PHKA2: variants seen among roughly 807,000 people sequenced by gnomAD.
The protein encoded by PHKA2 is phosphorylase b kinase regulatory subunit alpha, liver isoform.
Under a neutral mutation model 102.0 loss-of-function variants are expected in PHKA2, and 31 were observed. The observed-to-expected ratio is 0.30, with a 90% CI of 0.23 to 0.41. The LOEUF (loss-of-function observed/expected upper bound fraction) is 0.41. PHKA2 is among the 10% of genes least tolerant of loss of function. The pLI, the probability that PHKA2 is intolerant of heterozygous loss-of-function variation, is 1.00. For missense variants in PHKA2, 858 were observed against 1,023.1 expected, an observed-to-expected ratio of 0.84 and a Z score of 2.20; for synonymous variants, 455 against 416.2, an observed-to-expected ratio of 1.09 and a Z score of -1.13.
chrX:18,899,766 T>C (rs1321720338), intron 28 of PHKA2, among the ~76,000 whole-genome samples: 1 of 112,346 alleles, frequency 8.9e-6, no homozygotes, highest in East Asian at 2.8e-4. Flanking sequence ...TACAGTGTGC[T>C]ATCTACAAGG....
intron 17 of PHKA2, among the ~76,000 whole-genome samples, chrX:18,923,383 G>C (rs1184696368): frequency 8.9e-6 from 1 of 111,761 alleles, no homozygotes; most frequent in Non-Finnish European, 1.9e-5. Context: ...CTAGGGGATG[G>C]AAGAAGATGA....
At chrX:18,931,606 A>G in intron 12 of PHKA2, 35 bp downstream of exon 12, 1 of 1,003,668 alleles carries the variant, frequency 1.0e-6, no homozygotes, top group Non-Finnish European at 1.4e-6. Context: ...CTCCAATCAC[A>G]TGGTTTCCAG....
chrX:18,947,293 T>C (rs999897226), intron 5 of PHKA2, among the ~76,000 whole-genome samples: 18 of 112,511 alleles, frequency 1.6e-4, no homozygotes, highest in African/African-American at 4.8e-4. Context: ...GTGGCTTTTT[T>C]AAAACCAGCC....
intron 25 of PHKA2, among the ~76,000 whole-genome samples, chrX:18,906,133 T>C (rs1459952090): frequency 2.7e-5 from 3 of 112,458 alleles, no homozygotes; most frequent in Non-Finnish European, 5.6e-5. Flanking sequence ...TGGATTTTTA[T>C]ATTCAAATTG....
intron 29 of PHKA2, among the ~76,000 whole-genome samples, chrX:18,898,463 G>A (rs1436371431): frequency 2.7e-5 from 3 of 112,996 alleles, no homozygotes; most frequent in East Asian, 5.6e-4. Flanking sequence ...GGGACTATCT[G>A]GCACTTTTGT....
At position 18,917,672 on chromosome X, in the gene PHKA2, C is replaced by T. The variant is rs144730690; in HGVS notation, c.2137+1009G>A. Among the ~76,000 whole-genome samples, 1,016 of 111,520 alleles carry T rather than the reference C, an allele frequency of 9.1e-3. 7 individuals are homozygous for T. Among genetic ancestry groups the T allele is most frequent in the African/African-American group, 0.026 (791 of 30,647 alleles). ...GGTTTCAACAATTTTACCCACCGTG[C>T]GCTGTTTCTCAGGAAACTACTGCAT... On this transcript the variant is annotated intron_variant, in intron 19 of 32. Coordinates refer to ENST00000379942, the MANE Select transcript of PHKA2 (RefSeq NM_000292.3).
At chrX:18,922,175 G>A (rs2048133891) in intron 17 of PHKA2, among the ~76,000 whole-genome samples, 1 of 111,600 alleles carries the variant, frequency 9.0e-6, no homozygotes, top group Non-Finnish European at 1.9e-5. Context: ...GAACCTGGGG[G>A]GTGGAGGTTG....
At position 18,949,796 on chromosome X, in the gene PHKA2, T is replaced by C. The variant is rs537411565; in HGVS notation, c.455-970A>G. On this transcript the variant is annotated intron_variant, in intron 4 of 32. Transcript: ENST00000379942. ...GAATTTTTTTCTTTGTATTCTGTTATATTTTCCAAAATATCTACAGTGAGC... is the reference window on the plus strand; with the variant it reads ...GAATTTTTTTCTTTGTATTCTGTTACATTTTCCAAAATATCTACAGTGAGC... Among the ~76,000 whole-genome samples, 8 of 112,602 alleles carry C rather than the reference T, an allele frequency of 7.1e-5. No homozygotes were observed. The South Asian group carries it at 1.8e-3, about 26-fold the overall frequency.
intron 30 of PHKA2, 59 bp downstream of exon 30, chrX:18,897,104 G>T: frequency 8.7e-7 from 1 of 1,156,008 alleles, no homozygotes; most frequent in Non-Finnish European, 1.2e-6. Flanking sequence ...GTGCCACCAT[G>T]CCTTGCCAGG....
chrX:18,924,654 A>AC, intron 15 of PHKA2, 129 bp from the exon 16 acceptor site: 1 of 636,487 alleles, frequency 1.6e-6, no homozygotes, highest in Non-Finnish European at 2.5e-6. Context: ...GTTTCAATCC[A>AC]CCCAGTCATG....
chrX:18,909,564 C>A (rs2047886466), intron 20 of PHKA2, among the ~76,000 whole-genome samples: 1 of 111,916 alleles, frequency 8.9e-6, no homozygotes, highest in Admixed American at 9.5e-5. Flanking sequence ...ATACACTTAC[C>A]CAAGGAAACC....
At chrX:18,963,686 CAT>C (rs1166092920) in intron 1 of PHKA2, among the ~76,000 whole-genome samples, 2 of 112,051 alleles carry the variant, frequency 1.8e-5, no homozygotes, top group African/African-American at 3.2e-5. Context: ...CACCATAAAA[CAT>C]GTGTTTGGTG....
intron 1 of PHKA2, among the ~76,000 whole-genome samples, chrX:18,979,892 T>C (rs1477291607): frequency 9.0e-6 from 1 of 111,435 alleles, no homozygotes; most frequent in African/African-American, 3.3e-5. Flanking sequence ...AGAATGATTG[T>C]AGGGAAAAGA....
Position 18,924,529 on chromosome X carries a change from A to G in PHKA2, c.1570-4T>C. 8.3e-7 allele frequency: 1 copy of G among 1,210,618 alleles called. No homozygotes were observed. The highest frequency in any genetic ancestry group is 1.8e-5 in the South Asian group (1 of 56,956). On this transcript the variant is annotated splice_polypyrimidine_tract_variant and splice_region_variant and intron_variant, in intron 15 of 32. Transcript: ENST00000379942. ...AGAAGTGATGCTGGTCGGTGAACTG[A>G]AAGTCAGAGGAGGCTGGGTAAACGG...
intron 1 of PHKA2, among the ~76,000 whole-genome samples, chrX:18,967,049 G>A (rs932406428): frequency 9.0e-6 from 1 of 111,102 alleles, no homozygotes; most frequent in African/African-American, 3.3e-5. Flanking sequence ...GATATAGGTG[G>A]GAGAGGGGAA....
At chrX:18,978,813 T>A (rs1312589128) in intron 1 of PHKA2, among the ~76,000 whole-genome samples, 1 of 111,783 alleles carries the variant, frequency 8.9e-6, no homozygotes, top group African/African-American at 3.3e-5. Flanking sequence ...AATACCTTCA[T>A]CCTCCTTCTT....
At chrX:18,982,981 T>C (rs2049197368) in intron 1 of PHKA2, among the ~76,000 whole-genome samples, 1 of 112,297 alleles carries the variant, frequency 8.9e-6, no homozygotes, top group Admixed American at 9.4e-5. Context: ...ACCACAAATA[T>C]TTCCTAAGTG....
At chrX:18,916,785 C>T (rs966602471) in intron 19 of PHKA2, among the ~76,000 whole-genome samples, 1 of 112,050 alleles carries the variant, frequency 8.9e-6, no homozygotes, top group African/African-American at 3.2e-5. Flanking sequence ...CCTGTACAGC[C>T]GGCAGAACCC....
chrX:18,906,327 G>A (rs2047810039), intron 25 of PHKA2, among the ~76,000 whole-genome samples, 168 bp downstream of exon 25: 1 of 112,477 alleles, frequency 8.9e-6, no homozygotes, highest in African/African-American at 3.2e-5. Context: ...TATGCCGCAT[G>A]GATGGGAGTT....
Sources: allele counts gnomAD v4.1 joint callset (sites outside exome capture counted in the v4.1 genomes callset), GRCh38; gene constraint gnomAD v4.1.1; transcripts MANE v1.5; gene names NCBI Gene and HGNC (gene_info 2026-07-23, HGNC 2026-07-21).